Variants in FAT3 observed in about 807,000 individuals in gnomAD.
FAT3 encodes the protein FAT atypical cadherin 3.
FAT3 carries 95 observed loss-of-function variants against 310.2 expected under a neutral mutation model. The ratio of observed to expected loss-of-function variants is 0.31; its 90% CI spans 0.26 to 0.36. FAT3 has a LOEUF of 0.36. Among genes scored for constraint, FAT3 ranks in the 10% least tolerant of loss-of-function variants. The pLI is 1.00. For missense variants in FAT3, 5,408 were observed against 5,715.6 expected (o/e 0.95, Z 1.74); for synonymous variants, 2,314 against 2,192.9 (o/e 1.06, Z -1.54).
intron 7 of FAT3, among the ~76,000 whole-genome samples, chr11:92,785,867 G>A (rs1380584442): frequency 1.3e-5 from 2 of 152,192 alleles, no homozygotes; most frequent in East Asian, 3.9e-4. Flanking sequence ...AGTGAGAATA[G>A]CAAGGAAAAC....
At chr11:92,860,339 T>C (rs879625864) in intron 21 of FAT3, among the ~76,000 whole-genome samples, 1 of 152,228 alleles carries the variant, frequency 6.6e-6, no homozygotes, top group Non-Finnish European at 1.5e-5. Flanking sequence ...TCCCACACTC[T>C]AGTCTCTCTC....
At chr11:92,715,134 G>A (rs866173907) in intron 4 of FAT3, among the ~76,000 whole-genome samples, 1 of 151,766 alleles carries the variant, frequency 6.6e-6, no homozygotes, top group Admixed American at 6.6e-5. Context: ...GGCCGGGTGC[G>A]TTGGCTCACA....
In FAT3 at chr11:92,815,133, G is replaced by T. The variant is rs542544083; in HGVS notation, c.9481+5057G>T. Reference sequence around the variant, plus strand: ...GAGCACATTTGAGAAAAGAAATAATGAATTTGGAGTTTGGGGGATGCTAAT... The same window carrying T: ...GAGCACATTTGAGAAAAGAAATAATTAATTTGGAGTTTGGGGGATGCTAAT... On this transcript the variant is annotated intron_variant, in intron 13 of 27. Coordinates refer to ENST00000525166, the MANE Select transcript of FAT3 (RefSeq NM_001367949.2). Among the ~76,000 whole-genome samples the T allele has an allele frequency of 6.6e-5, 10 of 152,284 alleles. No homozygotes were observed. The South Asian group carries it at 1.0e-3, about 16-fold the overall frequency.
chr11:92,231,439 G>A (rs889529639), intron 1 of FAT3, among the ~76,000 whole-genome samples: 1 of 152,152 alleles, frequency 6.6e-6, no homozygotes, highest in African/African-American at 2.4e-5. Flanking sequence ...CAGAGCAGTT[G>A]CAAATAATAT....
chr11:92,475,420 T>C (rs1300395734), intron 2 of FAT3, among the ~76,000 whole-genome samples: 1 of 152,076 alleles, frequency 6.6e-6, no homozygotes, highest in Non-Finnish European at 1.5e-5. Context: ...GATGCTACCC[T>C]GGCTTTTTTT....
At chr11:92,773,838 T>C (rs911313998) in intron 6 of FAT3, among the ~76,000 whole-genome samples, 4 of 152,200 alleles carry the variant, frequency 2.6e-5, no homozygotes, top group African/African-American at 9.6e-5. Context: ...TTTTGTGACA[T>C]TTGTTATGCA....
At chr11:92,803,926 A>G (rs944871803) in intron 10 of FAT3, among the ~76,000 whole-genome samples, 26 of 152,296 alleles carry the variant, frequency 1.7e-4, no homozygotes, top group African/African-American at 6.0e-4. Context: ...TGAGGCCCTC[A>G]GACTGAGCAG....
intron 3 of FAT3, among the ~76,000 whole-genome samples, chr11:92,565,935 G>C (rs1382273656): frequency 2.6e-5 from 4 of 151,948 alleles, no homozygotes; most frequent in African/African-American, 4.8e-5. Context: ...ATATCGTACT[G>C]AATGGGCAAA....
intron 10 of FAT3, among the ~76,000 whole-genome samples, chr11:92,803,244 G>A (rs1164387233): frequency 6.6e-6 from 1 of 152,076 alleles, no homozygotes; most frequent in African/African-American, 2.4e-5. Flanking sequence ...TGATTTAAAG[G>A]GACTATCCCA....
Position 92,354,645 on chromosome 11 carries a change from G to A in FAT3, c.2533G>A (p.Gly845Ser), listed in dbSNP as rs1383358992. 2 of 1,613,774 alleles carry A rather than the reference G, an allele frequency of 1.2e-6. No homozygotes were observed. Among genetic ancestry groups the A allele is most frequent in the East Asian group, 2.2e-5 (1 of 44,872 alleles). Reference sequence around the variant, plus strand: ...CTCAGTTAACATTCTTGAAAGTTCAGGCATTGGTACTGAAATCATTCAAGT... The same window carrying A: ...CTCAGTTAACATTCTTGAAAGTTCAAGCATTGGTACTGAAATCATTCAAGT... Reference protein sequence around the residue: ...SYSVNILESSGIGTEIIQVEA... With the variant: ...SYSVNILESSSIGTEIIQVEA... Residue 845 changes from glycine to serine, a missense_variant, in exon 2 of 28, where the codon GGC becomes AGC. Gly to Ser is a moderately conservative substitution (Grantham distance 56). Around this residue, in one of 5 missense-constraint regions of FAT3, gnomAD observed 4,588 missense variants for 4,809.8 expected, o/e 0.95. Transcript: ENST00000525166.
chr11:92,642,447 C>T (rs1159336895), intron 3 of FAT3, among the ~76,000 whole-genome samples: 1 of 152,124 alleles, frequency 6.6e-6, no homozygotes, highest in African/African-American at 2.4e-5. Context: ...TTTTCTGGGC[C>T]CCACACAACC....
chr11:92,446,595 AG>A (rs1951215512), intron 2 of FAT3, among the ~76,000 whole-genome samples: 1 of 152,188 alleles, frequency 6.6e-6, no homozygotes, highest in Non-Finnish European at 1.5e-5. Context: ...ACATTTTTCA[AG>A]GTGATTGATT....
intron 27 of FAT3, among the ~76,000 whole-genome samples, chr11:92,890,181 T>C (rs1949884642): frequency 6.6e-6 from 1 of 152,194 alleles, no homozygotes; most frequent in African/African-American, 2.4e-5. Flanking sequence ...CAATAGCATG[T>C]GTCTAGGAAG....
chr11:92,799,918 T>C lies in FAT3; in HGVS notation c.6905T>C (p.Ile2302Thr). Residue 2302 changes from isoleucine to threonine, a missense_variant, in exon 10 of 28, where the codon ATT becomes ACT. Coordinates refer to ENST00000525166, the MANE Select transcript of FAT3 (RefSeq NM_001367949.2). ...YNTTLSEASL[I>T]GTPVLQVVSI... is the part of the protein sequence containing the mutation. ...ACAACACTATCAGAAGCATCTCTTA[T>C]TGGGACACCTGTTTTACAAGTTGTC... The C allele has an allele frequency of 1.2e-6, 2 of 1,612,842 alleles. No individual in the cohort carries two copies. Among genetic ancestry groups the C allele is most frequent in the Non-Finnish European group, 1.7e-6 (2 of 1,179,344 alleles).
chr11:92,525,429 AGT>A (rs1953828682), intron 3 of FAT3, among the ~76,000 whole-genome samples: 1 of 152,194 alleles, frequency 6.6e-6, no homozygotes, highest in Non-Finnish European at 1.5e-5. Flanking sequence ...AAGAACTTCC[AGT>A]GTCTCAATTT....
In FAT3 at chr11:92,339,388, A is replaced by G. The variant is rs539157789; in HGVS notation, c.-17-12708A>G. 3.5e-4 allele frequency among the ~76,000 whole-genome samples: 53 copies of G among 152,344 alleles called. 2 individuals are homozygous for G. The South Asian group carries it at 8.9e-3, about 26-fold the overall frequency. ...GAGTTTCATAAGACATTTGTAGTTC[A>G]TTAAACAACAAATATTTATTGAGCA... On this transcript the variant is annotated intron_variant, in intron 1 of 27. Coordinates refer to ENST00000525166, the MANE Select transcript of FAT3 (RefSeq NM_001367949.2).
chr11:92,643,811 A>G (rs189980207), intron 3 of FAT3, among the ~76,000 whole-genome samples: 409 of 152,300 alleles, frequency 2.7e-3, no homozygotes, highest in African/African-American at 9.7e-3. Context: ...CTCATACGGT[A>G]TTGGGTAGGG....
At chr11:92,300,808 A>G (rs1441504937) in intron 1 of FAT3, among the ~76,000 whole-genome samples, 1 of 152,184 alleles carries the variant, frequency 6.6e-6, no homozygotes, top group Non-Finnish European at 1.5e-5. Flanking sequence ...ATATTTGTCA[A>G]ATACATGCAT....
intron 3 of FAT3, among the ~76,000 whole-genome samples, chr11:92,539,081 A>C (rs1381957486): frequency 6.6e-6 from 1 of 152,176 alleles, no homozygotes; most frequent in African/African-American, 2.4e-5. Context: ...CCTATTTTAT[A>C]AAGACATGCT....
Sources: allele counts gnomAD v4.1 joint callset (sites outside exome capture counted in the v4.1 genomes callset), GRCh38; gene constraint gnomAD v4.1.1; regional missense constraint gnomAD v4.1.1; transcripts MANE v1.5; gene names NCBI Gene and HGNC (gene_info 2026-07-23, HGNC 2026-07-21).